GFRA2: variants seen among roughly 807,000 people sequenced by gnomAD.
GFRA2 encodes the protein GDNF family receptor alpha-2.
In GFRA2, 17 loss-of-function variants were observed where a neutral mutation model predicts 48.3. The observed-to-expected ratio is 0.35, with a 90% CI of 0.24 to 0.53. The LOEUF (loss-of-function observed/expected upper bound fraction) is 0.53, where lower values mean the gene tolerates loss of function less well. GFRA2 is among the 20% of genes least tolerant of loss of function. GFRA2 has a pLI of 0.93. For synonymous variants in GFRA2, 305 were observed against 257.2 expected (o/e 1.19, Z -1.78); for missense variants, 660 against 637.3 (o/e 1.04, Z -0.38).
chr8:21,711,540 G>A (rs372819219), intron 4 of GFRA2, among the ~76,000 whole-genome samples: 51 of 152,180 alleles, frequency 3.4e-4, no homozygotes, highest in East Asian at 1.2e-3. Context: ...GAGAGAGAGA[G>A]AGACACTTGA....
chr8:21,759,544 G>GGGAA (rs912570753), intron 3 of GFRA2, among the ~76,000 whole-genome samples: 4 of 82,716 alleles, frequency 4.8e-5, no homozygotes, highest in South Asian at 3.7e-4. Flanking sequence ...GAAGGAAGGA[G>GGGAA]GGAAGGAAGG....
chr8:21,720,274 A>G (rs893123984), intron 4 of GFRA2, among the ~76,000 whole-genome samples: 8 of 152,176 alleles, frequency 5.3e-5, no homozygotes, highest in African/African-American at 1.7e-4. Context: ...GCTGAGAGCA[A>G]GACTCCAGGC....
intron 4 of GFRA2, among the ~76,000 whole-genome samples, chr8:21,738,665 C>CT (rs1304441336): frequency 6.6e-6 from 1 of 152,160 alleles, no homozygotes; most frequent in Non-Finnish European, 1.5e-5. Context: ...CATGTGCCCT[C>CT]TGCAAGGAAC....
chr8:21,759,586 G>A (rs1805796373), intron 3 of GFRA2, among the ~76,000 whole-genome samples: 1 of 150,004 alleles, frequency 6.7e-6, no homozygotes, highest in Non-Finnish European at 1.5e-5. Context: ...GGAAAATAAG[G>A]GAATTTAAAA....
intron 4 of GFRA2, among the ~76,000 whole-genome samples, chr8:21,711,223 T>C (rs1803005338): frequency 6.6e-6 from 1 of 152,216 alleles, no homozygotes; most frequent in Non-Finnish European, 1.5e-5. Context: ...GAGAACAGAC[T>C]TTTCCTGGAT....
At chr8:21,714,667 G>A (rs955314372) in intron 4 of GFRA2, among the ~76,000 whole-genome samples, 1 of 152,142 alleles carries the variant, frequency 6.6e-6, no homozygotes, top group African/African-American at 2.4e-5. Context: ...TATGTGTCAG[G>A]CGCTATTATC....
At position 21,761,981 on chromosome 8, in the gene GFRA2, C is replaced by G. The variant is rs528013866; in HGVS notation, c.440-11039G>C. On this transcript the variant is annotated intron_variant, in intron 3 of 8. Coordinates refer to ENST00000524240, the MANE Select transcript of GFRA2 (RefSeq NM_001495.5). ...AATTAAAAAAATTAAAAAAAGTGTCCCCTGGCTGGAAAGGTCCTCCCTCCC... is the reference window on the plus strand; with the variant it reads ...AATTAAAAAAATTAAAAAAAGTGTCGCCTGGCTGGAAAGGTCCTCCCTCCC... Among the ~76,000 whole-genome samples the G allele has an allele frequency of 1.2e-4, 18 of 151,984 alleles. No individual in the cohort carries two copies. In the South Asian group the frequency reaches 3.3e-3, roughly 28 times the overall value.
At chr8:21,717,111 G>A (rs763983930) in intron 4 of GFRA2, among the ~76,000 whole-genome samples, 1 of 152,168 alleles carries the variant, frequency 6.6e-6, no homozygotes, top group South Asian at 2.1e-4. Context: ...TGCGTCACTT[G>A]GCTGAATTCT....
At chr8:21,777,662 A>C (rs1364037147) in intron 2 of GFRA2, among the ~76,000 whole-genome samples, 1 of 152,234 alleles carries the variant, frequency 6.6e-6, no homozygotes, top group Admixed American at 6.5e-5. Context: ...GCCCCCATGC[A>C]GCCAAGAGTG....
intron 3 of GFRA2, among the ~76,000 whole-genome samples, chr8:21,762,818 G>A (rs1332915061): frequency 6.6e-6 from 1 of 152,000 alleles, no homozygotes; most frequent in Non-Finnish European, 1.5e-5. Context: ...TGGTATTTGG[G>A]GGGTTTTTTA....
At chr8:21,779,675 A>G (rs1473114354) in intron 2 of GFRA2, 2 of 152,230 alleles carry the variant, frequency 1.3e-5, no homozygotes, top group East Asian at 3.9e-4. Flanking sequence ...CCCTTTGCTC[A>G]TGCTAGTTCT....
intron 4 of GFRA2, among the ~76,000 whole-genome samples, chr8:21,741,920 CAAA>C (rs74424608): frequency 8.6e-5 from 9 of 105,170 alleles, no homozygotes; most frequent in Non-Finnish European, 1.1e-4. Context: ...GACTCCATCT[CAAA>C]AAAAAAAAAA....
chr8:21,804,342 G>A (rs1471849648), intron 2 of GFRA2, among the ~76,000 whole-genome samples: 5 of 151,348 alleles, frequency 3.3e-5, no homozygotes, highest in South Asian at 2.1e-4. Context: ...TTTCCTCATC[G>A]GCAAAACGGG....
intron 5 of GFRA2, 93 bp downstream of exon 5, chr8:21,705,839 C>A (rs1340605822): frequency 2.6e-6 from 2 of 778,342 alleles, no homozygotes; most frequent in African/African-American, 3.5e-5. Context: ...AGGCTGTCTC[C>A]CCCAGCTGGC....
At chr8:21,781,944 C>T (rs1807012877) in intron 2 of GFRA2, among the ~76,000 whole-genome samples, 1 of 151,910 alleles carries the variant, frequency 6.6e-6, no homozygotes, top group Non-Finnish European at 1.5e-5. Flanking sequence ...TGCCTGCACA[C>T]TGCCCCAAGC....
rs779222466 is a variant in GFRA2 at position 21,705,973 on chromosome 8, T to C, written c.863A>G (p.Asp288Gly). The change falls in exon 5 of 9, where the codon GAC (aspartate) becomes GGC (glycine). Residue 288 changes from aspartate (D) to glycine (G), a missense_variant. Physicochemically the swap from Asp to Gly is moderately conservative, Grantham distance 94. Transcript: ENST00000524240. Reference protein sequence around the residue: ...SYQTVTSCPADNYQACLGSYA... With the variant: ...SYQTVTSCPAGNYQACLGSYA... ...AGAGCCCAGACACGCCTGGTAATTG[T>C]CCGCAGGGCAGCTGGTGACCGTCTG... 5 of 1,578,132 alleles carry C rather than the reference T, an allele frequency of 3.2e-6. No individual in the cohort carries two copies. Among genetic ancestry groups the C allele is most frequent in the Middle Eastern group, 1.7e-4 (1 of 6,030 alleles).
intron 4 of GFRA2, among the ~76,000 whole-genome samples, chr8:21,749,159 A>G (rs897577086): frequency 5.3e-5 from 8 of 152,106 alleles, no homozygotes; most frequent in African/African-American, 1.9e-4. Context: ...CTTAGCAAAC[A>G]AAAAGGACAA....
intron 2 of GFRA2, among the ~76,000 whole-genome samples, chr8:21,804,721 A>G (rs1421308814): frequency 2.6e-5 from 4 of 152,122 alleles, no homozygotes; most frequent in Non-Finnish European, 1.5e-5. Flanking sequence ...AGCGACATCA[A>G]TAAGTTCCAT....
At chr8:21,718,090 T>A (rs1404713100) in intron 4 of GFRA2, among the ~76,000 whole-genome samples, 1 of 152,194 alleles carries the variant, frequency 6.6e-6, no homozygotes, top group Non-Finnish European at 1.5e-5. Context: ...TACTGTCTGA[T>A]AGGTTTGGCT....
Sources: allele counts gnomAD v4.1 joint callset (sites outside exome capture counted in the v4.1 genomes callset), GRCh38; gene constraint gnomAD v4.1.1; transcripts MANE v1.5; gene names NCBI Gene and HGNC (gene_info 2026-07-23, HGNC 2026-07-21).